INTS6: variants seen among roughly 807,000 people sequenced by gnomAD.
The protein encoded by INTS6 is DEAD box protein.
INTS6 carries 16 observed loss-of-function variants against 104.9 expected under a neutral mutation model. That is an observed-to-expected ratio of 0.15 (90% CI 0.10 to 0.23). The LOEUF (loss-of-function observed/expected upper bound fraction) is 0.23. Among genes scored for constraint, INTS6 ranks in the 10% least tolerant of loss-of-function variants. The pLI, the probability that INTS6 is intolerant of heterozygous loss-of-function variation, is 1.00. For missense variants in INTS6, 584 were observed against 1,062.8 expected, an observed-to-expected ratio of 0.55 and a Z score of 6.26; for synonymous variants, 324 against 358.7, an observed-to-expected ratio of 0.90 and a Z score of 1.09.
chr13:51,439,426 A>G (rs968050042), intron 3 of INTS6: 4 of 152,184 alleles, frequency 2.6e-5, no homozygotes, highest in Non-Finnish European at 5.9e-5. Flanking sequence ...AAGTTATAGT[A>G]CTTTTCATGT....
chr13:51,448,111 G>C (rs983922236), intron 3 of INTS6: 1 of 152,272 alleles, frequency 6.6e-6, no homozygotes, highest in Admixed American at 6.5e-5. Flanking sequence ...GTAACAATAA[G>C]AAAATTAACT....
Position 51,391,556 on chromosome 13 carries a change from T to C in INTS6, c.614-2112A>G, listed in dbSNP as rs2137952851. Among the ~76,000 whole-genome samples the C allele has an allele frequency of 2.6e-5, 4 of 152,330 alleles. 1 individual carries two copies. Among genetic ancestry groups the C allele is most frequent in the Admixed American group, 2.6e-4 (4 of 15,306 alleles). The stretch of plus-strand genomic sequence containing the variant: ...ATTGTCTATGTCAAAACTTACTCCT[T>C]GGGATATACAACACTTTGTGCTAAT... On this transcript the variant is annotated intron_variant, in intron 5 of 17. Coordinates refer to ENST00000311234, the MANE Select transcript of INTS6 (RefSeq NM_012141.3).
chr13:51,349,126 A>C (rs373513081), downstream of INTS6, among the ~76,000 whole-genome samples: 1 of 152,178 alleles, frequency 6.6e-6, no homozygotes, highest in Non-Finnish European at 1.5e-5. Flanking sequence ...AATCAGAGTA[A>C]ATTTATAACC....
intron 16 of INTS6, among the ~76,000 whole-genome samples, chr13:51,368,116 G>A (rs1955729339): frequency 6.6e-6 from 1 of 152,064 alleles, no homozygotes; most frequent in South Asian, 2.1e-4. Flanking sequence ...TGCTTTGTAA[G>A]TAAAAGTTCC....
Position 51,387,404 on chromosome 13 carries a change from A to G in INTS6, c.876T>C (p.Asp292=), listed in dbSNP as rs1446462396. The G allele has an allele frequency of 1.9e-6, 3 of 1,611,698 alleles. No homozygotes were observed. Among genetic ancestry groups the G allele is most frequent in the African/African-American group, 2.7e-5 (2 of 74,814 alleles). Reference sequence around the variant, plus strand: ...TACTTACTAGTGTTGGCGAATTTTGATCTGGCCAAAAAGACTCTGGAACAG... The same window carrying G: ...TACTTACTAGTGTTGGCGAATTTTGGTCTGGCCAAAAAGACTCTGGAACAG... The part of the protein sequence containing the change: ...HWPVPESFWP[D]QNSPTLPPRT... The change falls in exon 7 of 18, where the codon GAT becomes GAC. Residue 292 remains aspartate, a synonymous_variant. Transcript: ENST00000311234.
intron 7 of INTS6, 57 bp downstream of exon 7, chr13:51,387,329 T>C: frequency 1.4e-6 from 2 of 1,463,464 alleles, no homozygotes; most frequent in Non-Finnish European, 1.8e-6. Flanking sequence ...AATTTGAAAC[T>C]AATAGGAAAG....
At chr13:51,370,152 C>A (rs1955776446) in intron 15 of INTS6, among the ~76,000 whole-genome samples, 1 of 152,172 alleles carries the variant, frequency 6.6e-6, no homozygotes, top group South Asian at 2.1e-4. Flanking sequence ...TTTGCAAACT[C>A]CTCTTTACTG....
At chr13:51,376,744 T>C (rs1233801911) in intron 12 of INTS6, among the ~76,000 whole-genome samples, 2 of 152,198 alleles carry the variant, frequency 1.3e-5, no homozygotes, top group South Asian at 2.1e-4. Flanking sequence ...TTCTTTCAAT[T>C]AGCATGATGT....
At chr13:51,344,126 T>C in the INTS6 span, 1 of 702,664 alleles carries the variant, frequency 1.4e-6, no homozygotes, top group South Asian at 1.7e-5. Context: ...CTTTGTATGG[T>C]AGATGAACCT....
At chr13:51,359,616 A>G (rs968372099), downstream of INTS6, among the ~76,000 whole-genome samples, 4 of 152,140 alleles carry the variant, frequency 2.6e-5, no homozygotes, top group African/African-American at 4.8e-5. Context: ...CAAGGTGCCC[A>G]GACTAATACA....
the INTS6 span, among the ~76,000 whole-genome samples, chr13:51,341,657 T>C: frequency 6.6e-6 from 1 of 152,222 alleles, no homozygotes; most frequent in Non-Finnish European, 1.5e-5. Flanking sequence ...TTCATGGCAA[T>C]GTTTCAGTTT....
intron 4 of INTS6, among the ~76,000 whole-genome samples, chr13:51,408,333 C>CG (rs1566231295): frequency 6.6e-6 from 1 of 151,734 alleles, no homozygotes; most frequent in African/African-American, 2.4e-5. Context: ...TTAGTAGAGA[C>CG]GGGGTTTCAC....
At chr13:51,419,676 C>A (rs1039898610) in intron 4 of INTS6, among the ~76,000 whole-genome samples, 1 of 152,156 alleles carries the variant, frequency 6.6e-6, no homozygotes, top group African/African-American at 2.4e-5. Context: ...AACTCATGAG[C>A]CAGTACCTAA....
At chr13:51,340,984 C>G in the INTS6 span, 1 of 1,340,390 alleles carries the variant, frequency 7.5e-7, no homozygotes, top group South Asian at 1.3e-5. Flanking sequence ...CCCCTAAAAA[C>G]AGAGCTGGGG....
the INTS6 span, chr13:51,344,391 C>T: frequency 6.2e-7 from 1 of 1,612,644 alleles, no homozygotes; most frequent in Non-Finnish European, 8.5e-7. Flanking sequence ...AGCACGTCTC[C>T]TGGTGGGCTA....
At chr13:51,369,632 C>G (rs1050684536) in intron 15 of INTS6, among the ~76,000 whole-genome samples, 7 of 152,120 alleles carry the variant, frequency 4.6e-5, no homozygotes, top group African/African-American at 7.2e-5. Flanking sequence ...AATGAAATAT[C>G]TATGATCAAA....
intron 3 of INTS6, chr13:51,447,275 C>T (rs1273555624): frequency 1.3e-5 from 2 of 152,040 alleles, no homozygotes; most frequent in East Asian, 3.8e-4. Context: ...ACTTCACCTG[C>T]CAGCCTTCAA....
chr13:51,450,588 C>T, intron 3 of INTS6: 1 of 985,676 alleles, frequency 1.0e-6, no homozygotes, highest in Non-Finnish European at 1.2e-6. Context: ...AGTTATACAA[C>T]ATGGTCACAT....
intron 4 of INTS6, among the ~76,000 whole-genome samples, chr13:51,412,406 A>T (rs1956704868): frequency 6.6e-6 from 1 of 152,206 alleles, no homozygotes; most frequent in South Asian, 2.1e-4. Flanking sequence ...TGCAAATGCC[A>T]TTTGACTTAG....
Sources: allele counts gnomAD v4.1 joint callset (sites outside exome capture counted in the v4.1 genomes callset), GRCh38; gene constraint gnomAD v4.1.1; transcripts MANE v1.5; gene names NCBI Gene and HGNC (gene_info 2026-07-23, HGNC 2026-07-21).